Variants in AP1AR observed in about 807,000 individuals in gnomAD.
AP1AR encodes AP-1 complex-associated regulatory protein.
AP1AR carries 29 observed loss-of-function variants against 46.3 expected under a neutral mutation model. The ratio of observed to expected loss-of-function variants is 0.63; its 90% CI spans 0.47 to 0.85. The LOEUF (loss-of-function observed/expected upper bound fraction) is 0.85. Among genes scored for constraint, AP1AR ranks in the 40% least tolerant of loss-of-function variants. The pLI, the probability that AP1AR is intolerant of heterozygous loss-of-function variation, is 0.00. For synonymous variants in AP1AR, 122 were observed against 122.9 expected, an observed-to-expected ratio of 0.99 and a Z score of 0.05; for missense variants, 357 against 356.3, an observed-to-expected ratio of 1.00 and a Z score of -0.02.
In AP1AR at chr4:112,260,751, C is replaced by T. The variant is rs201319079; in HGVS notation, c.186-15C>T. The T allele has an allele frequency of 9.2e-6, 14 of 1,528,556 alleles. No homozygotes were observed. Among genetic ancestry groups the T allele is most frequent in the Non-Finnish European group, 1.1e-5 (13 of 1,131,510 alleles). 94.7% of individuals were successfully genotyped at this position (1,528,556 alleles called of 1,614,324 possible). ...TTTTGTTTTTTCTTTTTCTCCTCCT[C>T]CTTTTTTTCTCTAGGCCTCTTACTG... is the stretch of plus-strand genomic sequence containing the variant. On this transcript the variant is annotated splice_polypyrimidine_tract_variant and intron_variant, in intron 4 of 9. Transcript: ENST00000274000.
chr4:112,245,128 T>G (rs776747997), intron 1 of AP1AR, among the ~76,000 whole-genome samples: 1 of 152,200 alleles, frequency 6.6e-6, no homozygotes, highest in Non-Finnish European at 1.5e-5. Flanking sequence ...GATCAGATTT[T>G]CTTTTAACTT....
intron 1 of AP1AR, among the ~76,000 whole-genome samples, chr4:112,234,040 T>C (rs1006473643): frequency 2.0e-5 from 3 of 152,178 alleles, no homozygotes; most frequent in African/African-American, 7.2e-5. Flanking sequence ...TTTGTATTTT[T>C]AGTAGAGACC....
At chr4:112,246,048 C>T (rs976619480) in intron 1 of AP1AR, among the ~76,000 whole-genome samples, 3 of 151,990 alleles carry the variant, frequency 2.0e-5, no homozygotes, top group Non-Finnish European at 4.4e-5. Context: ...TTCCTTTTGT[C>T]TCATTTTTTT....
intron 1 of AP1AR, among the ~76,000 whole-genome samples, chr4:112,235,399 T>G (rs1725196385): frequency 6.6e-6 from 1 of 152,228 alleles, no homozygotes; most frequent in Non-Finnish European, 1.5e-5. Context: ...ATATTTTGTA[T>G]CCTCATCAAT....
chr4:112,248,913 T>C (rs1379203087), intron 1 of AP1AR, among the ~76,000 whole-genome samples: 2 of 152,220 alleles, frequency 1.3e-5, no homozygotes, highest in Non-Finnish European at 2.9e-5. Context: ...CCTCCAGATA[T>C]CTGTCTAGCT....
In AP1AR at chr4:112,253,212, A is replaced by G. The variant is rs749715219; in HGVS notation, c.88A>G (p.Lys30Glu). The G allele has an allele frequency of 6.2e-7, 1 of 1,609,456 alleles. No individual in the cohort carries two copies. ...TTATTCTGTTTTCCTTCCCAGATCC[A>G]AGTATTTTAGAACATGCTCAAGAGG... ...LQRVGGGGGS[K>E]YFRTCSRGEH... Residue 30 changes from lysine (K) to glutamate (E), a missense_variant, in exon 2 of 10, where the codon AAG (lysine) becomes GAG (glutamate). Lys to Glu is a moderately conservative substitution (Grantham distance 56). Around this residue, in one of 2 missense-constraint regions of AP1AR, gnomAD observed 269 missense variants for 223.6 expected, o/e 1.20. Transcript: ENST00000274000.
rs1726939788 is a variant in AP1AR at position 112,271,310 on chromosome 4, C to T, written c.*2901C>T. 6.6e-6 allele frequency among the ~76,000 whole-genome samples: 1 copy of T among 152,228 alleles called. No individual in the cohort carries two copies. The highest frequency in any genetic ancestry group is 2.4e-5 in the African/African-American group (1 of 41,466). On this transcript the variant is annotated 3_prime_UTR_variant, in exon 10 of 10. Transcript: ENST00000274000. ...GCAAAAGGCTGCCGTGAGGCAATTT[C>T]TCATCCAGCTGGTTTCCAGTGACCT...
At chr4:112,241,487 A>G (rs1008363904) in intron 1 of AP1AR, among the ~76,000 whole-genome samples, 2 of 152,246 alleles carry the variant, frequency 1.3e-5, no homozygotes, top group African/African-American at 4.8e-5. Context: ...GCAGTCAAGT[A>G]GAGAGAATTC....
At chr4:112,253,343 C>G (rs1726043930) in intron 2 of AP1AR, 87 bp downstream of exon 2, 1 of 961,162 alleles carries the variant, frequency 1.0e-6, no homozygotes, top group African/African-American at 1.7e-5. Flanking sequence ...AGATCTGGAC[C>G]CAAATTTAGA....
In AP1AR at chr4:112,260,871, T is replaced by C. The variant is rs1328799075; in HGVS notation, c.282+9T>C. 5.3e-6 allele frequency: 8 copies of C among 1,503,068 alleles called. No homozygotes were observed. The highest frequency in any genetic ancestry group is 7.3e-6 in the Non-Finnish European group (8 of 1,093,590). The allele number at this position is 1,503,068 out of a possible 1,614,324, so 93.1% of individuals were successfully genotyped here. ...AGAAAATTCAAAAAGAGGTAAATTG[T>C]CTTTTATATTGCTTAAGTACATGTT... On this transcript the variant is annotated intron_variant, in intron 5 of 9. Transcript: ENST00000274000.
intron 3 of AP1AR, among the ~76,000 whole-genome samples, chr4:112,256,079 A>G (rs1284198116): frequency 1.3e-5 from 2 of 151,638 alleles, no homozygotes; most frequent in Non-Finnish European, 2.9e-5. Flanking sequence ...GTATGTATAG[A>G]ATACTAGTCT....
At chr4:112,252,366 C>G (rs1412517597) in intron 1 of AP1AR, among the ~76,000 whole-genome samples, 2 of 152,144 alleles carry the variant, frequency 1.3e-5, no homozygotes, top group Non-Finnish European at 2.9e-5. Context: ...ATTTGGATCC[C>G]CATTGTATGG....
At position 112,231,949 on chromosome 4, in the gene AP1AR, C is replaced by T. The variant is rs372747751; in HGVS notation, c.-143C>T. ...CGCCTCGTCTTTCGTCGCCCCGTGC[C>T]CTCACGCCGCCGGGCTCTGGCCGGC... On this transcript the variant is annotated 5_prime_UTR_variant, in exon 1 of 10. Transcript: ENST00000274000. 5.4e-5 allele frequency: 35 copies of T among 651,982 alleles called. No homozygotes were observed. In the East Asian group the frequency reaches 6.5e-4, roughly 12 times the overall value. The allele number at this position is 651,982 out of a possible 1,614,324, so 40.4% of individuals were successfully genotyped here. A position where few individuals can be genotyped will look rare whatever the true frequency, so the allele number is the denominator to read the frequency against.
intron 1 of AP1AR, among the ~76,000 whole-genome samples, chr4:112,236,967 A>G (rs1725268532): frequency 6.6e-6 from 1 of 152,158 alleles, no homozygotes; most frequent in African/African-American, 2.4e-5. Flanking sequence ...CCTCCCAACT[A>G]CTAGTTTAAA....
At position 112,270,468 on chromosome 4, in the gene AP1AR, T is replaced by C. The variant is rs549514172; in HGVS notation, c.*2059T>C. On this transcript the variant is annotated 3_prime_UTR_variant, in exon 10 of 10. Transcript: ENST00000274000. ...AGGAGAGAGAGTAACTGGGGGCCAA[T>C]TGACTACTTCTCATAGGTCAGGACA... Among the ~76,000 whole-genome samples, 5 of 152,304 alleles carry C rather than the reference T, an allele frequency of 3.3e-5. No homozygotes were observed. Among genetic ancestry groups the C allele is most frequent in the Admixed American group, 6.5e-5 (1 of 15,290 alleles).
chr4:112,257,708 TG>T, intron 3 of AP1AR, 63 bp from the exon 4 acceptor site: 15 of 1,284,640 alleles, frequency 1.2e-5, no homozygotes, highest in Non-Finnish European at 1.6e-5. Flanking sequence ...AAAATTGTAT[TG>T]GTTACTTTAA....
At chr4:112,247,743 G>A (rs936823956) in intron 1 of AP1AR, among the ~76,000 whole-genome samples, 1 of 152,138 alleles carries the variant, frequency 6.6e-6, no homozygotes, top group Non-Finnish European at 1.5e-5. Flanking sequence ...ATATGTCAGC[G>A]TGTCTTTTAA....
chr4:112,250,653 T>C (rs1725918706), intron 1 of AP1AR, among the ~76,000 whole-genome samples: 1 of 152,228 alleles, frequency 6.6e-6, no homozygotes, highest in Non-Finnish European at 1.5e-5. Context: ...AAAGCTCCCC[T>C]GATAAAAATG....
intron 3 of AP1AR, among the ~76,000 whole-genome samples, chr4:112,255,763 C>T (rs1726174688): frequency 6.6e-6 from 1 of 152,168 alleles, no homozygotes; most frequent in Non-Finnish European, 1.5e-5. Context: ...GAAGGGAGTG[C>T]ATTTTAGAAT....
Sources: allele counts gnomAD v4.1 joint callset (sites outside exome capture counted in the v4.1 genomes callset), GRCh38; gene constraint gnomAD v4.1.1; regional missense constraint gnomAD v4.1.1; transcripts MANE v1.5; gene names NCBI Gene and HGNC (gene_info 2026-07-23, HGNC 2026-07-21).